Variants in ARSG observed in about 807,000 individuals in gnomAD.
ARSG encodes the protein arylsulfatase G.
A neutral mutation model predicts 50.5 loss-of-function variants in ARSG; 37 were observed. The observed-to-expected ratio is 0.73, with a 90% CI of 0.56 to 0.96. ARSG has a LOEUF of 0.96. Among genes scored for constraint, ARSG ranks in the 50% least tolerant of loss-of-function variants. The probability of loss-of-function intolerance (pLI) is 0.00; values close to 1 mark genes in which losing one functional copy is unlikely to be tolerated. For missense variants in ARSG, 629 were observed against 675.3 expected (o/e 0.93, Z 0.76); for synonymous variants, 225 against 254.6 (o/e 0.88, Z 1.11).
chr17:68,346,413 T>G (rs1336983189), intron 3 of ARSG, among the ~76,000 whole-genome samples: 2 of 152,204 alleles, frequency 1.3e-5, no homozygotes, highest in Admixed American at 1.3e-4. Context: ...GTTTGAGCGG[T>G]TTAATGCTGC....
intron 2 of ARSG, among the ~76,000 whole-genome samples, chr17:68,332,606 G>A (rs918735596): frequency 2.0e-5 from 3 of 152,168 alleles, no homozygotes; most frequent in African/African-American, 7.2e-5. Context: ...TAATTTTGGG[G>A]AACTAATAAA....
At position 68,321,430 on chromosome 17, in the gene ARSG, T is replaced by C. The variant is rs540079435; in HGVS notation, c.218+13719T>C. Among the ~76,000 whole-genome samples, 4 of 152,234 alleles carry C rather than the reference T, an allele frequency of 2.6e-5. No individual in the cohort carries two copies. In the South Asian group the frequency reaches 8.3e-4, roughly 32 times the overall value. Reference sequence around the variant, plus strand: ...TCTCTGAGTTTTATTTCAGCTACTTTCCAGTTCCCATCTCCCAACCCTGTC... The same window carrying C: ...TCTCTGAGTTTTATTTCAGCTACTTCCCAGTTCCCATCTCCCAACCCTGTC... On this transcript the variant is annotated intron_variant, in intron 2 of 11. Transcript: ENST00000621439.
intron 1 of ARSG, among the ~76,000 whole-genome samples, chr17:68,275,414 G>A (rs1555750565): frequency 6.6e-6 from 1 of 152,144 alleles, no homozygotes; most frequent in African/African-American, 2.4e-5. Flanking sequence ...AATCTTGGAT[G>A]TAGCTCATAA....
At chr17:68,315,580 T>C (rs1173768608) in intron 2 of ARSG, among the ~76,000 whole-genome samples, 2 of 151,696 alleles carry the variant, frequency 1.3e-5, no homozygotes, top group Non-Finnish European at 2.9e-5. Flanking sequence ...TTGGTGCTAA[T>C]GAAGGATTTT....
chr17:68,433,684 G>T, the ARSG span: 1 of 718,016 alleles, frequency 1.4e-6, no homozygotes, highest in Non-Finnish European at 2.3e-6. Context: ...GAAGAGCCTA[G>T]GTAGACCCAG....
At position 68,399,891 on chromosome 17, in the gene ARSG, G is replaced by A. The variant is rs946174971; in HGVS notation, c.1213-1469G>A. On this transcript the variant is annotated intron_variant, in intron 10 of 11. Coordinates refer to ENST00000621439, the MANE Select transcript of ARSG (RefSeq NM_001267727.2). This position sits in a 1 kb window ranked among gnomAD's most constrained non-coding sequence, Gnocchi z 4.6. ...AGGAAACAAAACAGTCTCCTGTGGT[G>A]AAGAGGCTTGGCTTTCTGCAGGGAT... Among the ~76,000 whole-genome samples the A allele has an allele frequency of 6.6e-6, 1 of 152,244 alleles. No homozygotes were observed. Among genetic ancestry groups the A allele is most frequent in the Non-Finnish European group, 1.5e-5 (1 of 68,044 alleles).
At chr17:68,259,342 C>G (rs1417450638) in exon 1 of ARSG, 13 of 152,326 alleles carry the variant, frequency 8.5e-5, no homozygotes, top group African/African-American at 3.1e-4. Flanking sequence ...TGCTGCGTGC[C>G]GTGCAGGCCT....
At chr17:68,325,522 A>G (rs73355975) in intron 2 of ARSG, among the ~76,000 whole-genome samples, 2,785 of 152,320 alleles carry the variant, frequency 0.018, 82 homozygotes, top group African/African-American at 0.063. Context: ...ACTGTCTTCC[A>G]TGAAACTGGT....
At chr17:68,317,187 T>C (rs1555768843) in intron 2 of ARSG, among the ~76,000 whole-genome samples, 1 of 152,148 alleles carries the variant, frequency 6.6e-6, no homozygotes, top group Non-Finnish European at 1.5e-5. Context: ...TTTCGGTGAC[T>C]TCATATTTTG....
intron 8 of ARSG, among the ~76,000 whole-genome samples, chr17:68,384,545 T>TA (rs769089984): frequency 2.1e-4 from 32 of 152,284 alleles, no homozygotes; most frequent in Non-Finnish European, 4.0e-4. Flanking sequence ...AATAAAGCCA[T>TA]AAAATCCATG....
At chr17:68,302,888 C>G (rs1372902992) in intron 1 of ARSG, among the ~76,000 whole-genome samples, 2 of 152,134 alleles carry the variant, frequency 1.3e-5, no homozygotes, top group East Asian at 1.9e-4. Context: ...GGCCGAGTAC[C>G]TTCTGCCCCA....
chr17:68,413,800 G>C (rs551281828), intron 11 of ARSG: 1 of 157,544 alleles, frequency 6.3e-6, no homozygotes, highest in Admixed American at 6.5e-5. Flanking sequence ...AGCCAGGTAA[G>C]GGATGTAATC....
In ARSG at chr17:68,307,575, A is replaced by C; in HGVS notation, c.82A>C (p.Ser28Arg). The C allele has an allele frequency of 6.2e-7, 1 of 1,614,128 alleles. No homozygotes were observed. Among genetic ancestry groups the C allele is most frequent in the African/African-American group, 1.3e-5 (1 of 75,022 alleles). Residue 28 changes from serine to arginine, a missense_variant, in exon 2 of 12, where the codon AGT becomes CGT. Physicochemically the swap from Ser to Arg is moderately radical, Grantham distance 110. Transcript: ENST00000621439. Reference sequence around the variant, plus strand: ...TTATCCTCTTGTGGATTTTTGCATCAGTGGGAAAACAAGAGGACAGAAGCC... The same window carrying C: ...TTATCCTCTTGTGGATTTTTGCATCCGTGGGAAAACAAGAGGACAGAAGCC... ...FLYPLVDFCI[S>R]GKTRGQKPNF...
At chr17:68,299,919 A>C (rs927117793) in intron 1 of ARSG, among the ~76,000 whole-genome samples, 3 of 149,756 alleles carry the variant, frequency 2.0e-5, no homozygotes, top group Admixed American at 6.7e-5. Flanking sequence ...GGATAAAATT[A>C]TATGATATTT....
chr17:68,321,979 C>T (rs1391858317), intron 2 of ARSG, among the ~76,000 whole-genome samples: 2 of 152,076 alleles, frequency 1.3e-5, no homozygotes, highest in Admixed American at 6.6e-5. Context: ...AAAAAGGTGA[C>T]GTGCAGGCCA....
intron 1 of ARSG, chr17:68,270,912 C>T: frequency 6.2e-7 from 1 of 1,614,214 alleles, no homozygotes; most frequent in South Asian, 1.1e-5. Flanking sequence ...AAGACATCTT[C>T]TCAATGCCCA....
rs3072871 is a variant in ARSG at position 68,419,017 on chromosome 17, CAA to C, written c.1304-1156_1304-1155del. On this transcript the variant is annotated intron_variant, in intron 11 of 11. Transcript: ENST00000621439. ...TTAACTGCTTTTTCTATAGCAAAGC[CAA>C]AAAAAAAAAAAAAAAGTCATCGGAA... Among the ~76,000 whole-genome samples the C allele has an allele frequency of 1.0e-3, 116 of 112,898 alleles. 1 individual carries two copies. The highest frequency in any genetic ancestry group is 4.6e-3 in the Middle Eastern group (1 of 216). 74.1% of individuals were successfully genotyped at this position (112,898 alleles called of 152,430 possible). A position where few individuals can be genotyped will look rare whatever the true frequency, so the allele number is the denominator to read the frequency against.
the ARSG span, among the ~76,000 whole-genome samples, chr17:68,435,150 T>C: frequency 6.7e-6 from 1 of 149,704 alleles, no homozygotes; most frequent in East Asian, 2.0e-4. Context: ...GAGGTTGCAG[T>C]GAGCCGAGAT....
chr17:68,356,909 T>A, intron 6 of ARSG, 105 bp downstream of exon 6: 1 of 1,438,588 alleles, frequency 7.0e-7, no homozygotes, highest in Non-Finnish European at 9.5e-7. Context: ...TGGCAGAGTT[T>A]TGCTGCTCAG....
Sources: allele counts gnomAD v4.1 joint callset (sites outside exome capture counted in the v4.1 genomes callset), GRCh38; gene constraint gnomAD v4.1.1; non-coding constraint Gnocchi (gnomAD v3.1); transcripts MANE v1.5; gene names NCBI Gene and HGNC (gene_info 2026-07-23, HGNC 2026-07-21).